ARMH4: variants seen among roughly 807,000 people sequenced by gnomAD.
The protein encoded by ARMH4 is armadillo-like helical domain-containing protein 4.
A neutral mutation model predicts 61.9 loss-of-function variants in ARMH4; 49 were observed. The observed-to-expected ratio is 0.79, with a 90% CI of 0.63 to 1.00. The LOEUF (loss-of-function observed/expected upper bound fraction) is 1.00. Ranked by LOEUF, ARMH4 falls within the 50% of genes least tolerant of loss-of-function variation. The probability of loss-of-function intolerance (pLI) is 0.00; values close to 1 mark genes in which losing one functional copy is unlikely to be tolerated. For synonymous variants in ARMH4, 368 were observed against 341.5 expected, an observed-to-expected ratio of 1.08 and a Z score of -0.85; for missense variants, 934 against 930.0, an observed-to-expected ratio of 1.00 and a Z score of -0.06.
intron 4 of ARMH4, among the ~76,000 whole-genome samples, chr14:58,102,360 G>A (rs960951834): frequency 2.6e-5 from 4 of 152,116 alleles, no homozygotes; most frequent in Admixed American, 6.5e-5. Context: ...TGGAACGGTG[G>A]TCCCAAAGAG....
chr14:58,008,438 G>A lies in ARMH4; in HGVS notation c.2122-3256C>T, dbSNP rs138312770. On this transcript the variant is annotated intron_variant, in intron 6 of 7. Transcript: ENST00000267485. ...TAAAGTAAATTATAAGTCAAATATTGCTAAATATACTTGTTTTTGTTTGGT... is the reference window on the plus strand; with the variant it reads ...TAAAGTAAATTATAAGTCAAATATTACTAAATATACTTGTTTTTGTTTGGT... Among the ~76,000 whole-genome samples the A allele has an allele frequency of 2.0e-5, 3 of 152,214 alleles. No homozygotes were observed. The East Asian group carries it at 5.8e-4, about 29-fold the overall frequency.
At chr14:58,147,316 GTT>G (rs33969627) in intron 1 of ARMH4, among the ~76,000 whole-genome samples, 6,596 of 132,476 alleles carry the variant, frequency 0.05, 168 homozygotes, top group Middle Eastern at 0.14. Flanking sequence ...AATCCAGATG[GTT>G]TTTTTTTTTT....
intron 1 of ARMH4, among the ~76,000 whole-genome samples, chr14:58,142,355 C>T (rs774170101): frequency 2.6e-5 from 4 of 152,130 alleles, no homozygotes; most frequent in Admixed American, 2.6e-4. Context: ...CTTATAGGTC[C>T]TTTCAAGAAA....
intron 1 of ARMH4, chr14:58,141,591 C>T (rs752710960): frequency 2.5e-4 from 120 of 476,274 alleles, no homozygotes; most frequent in Non-Finnish European, 4.4e-4. Context: ...CTTGCCTGCA[C>T]CCCGGTGCTA....
At chr14:58,123,792 G>C (rs1244912290) in intron 4 of ARMH4, among the ~76,000 whole-genome samples, 1 of 152,198 alleles carries the variant, frequency 6.6e-6, no homozygotes, top group Admixed American at 6.5e-5. Context: ...ATTAGCCCAA[G>C]ACTTGAGCCA....
Position 58,006,793 on chromosome 14 carries a change from G to A in ARMH4, c.2122-1611C>T, listed in dbSNP as rs1300263912. Among the ~76,000 whole-genome samples, 12 of 151,770 alleles carry A rather than the reference G, an allele frequency of 7.9e-5. No individual in the cohort carries two copies. The East Asian group carries it at 2.3e-3, about 29-fold the overall frequency. ...GGGGAGGGGGGAGGGACAGCATTAG[G>A]AGATACACCTAATGTAAATGACAAG... On this transcript the variant is annotated intron_variant, in intron 6 of 7. Transcript: ENST00000267485.
At chr14:58,122,294 G>A (rs1175622172) in intron 4 of ARMH4, among the ~76,000 whole-genome samples, 4 of 152,244 alleles carry the variant, frequency 2.6e-5, no homozygotes, top group Middle Eastern at 3.4e-3. Context: ...GCTAACTTGC[G>A]TGCTAGAAGG....
intron 5 of ARMH4, among the ~76,000 whole-genome samples, chr14:58,074,769 A>C (rs969939850): frequency 2.0e-5 from 3 of 152,214 alleles, no homozygotes; most frequent in Admixed American, 6.5e-5. Flanking sequence ...GAGCATATGA[A>C]AATATTGTAA....
intron 7 of ARMH4, 102 bp from the exon 8 acceptor site, chr14:58,004,906 A>C: frequency 1.3e-6 from 2 of 1,515,940 alleles, no homozygotes; most frequent in East Asian, 4.5e-5. Flanking sequence ...AAGCCAAGGC[A>C]GGAGCTACAG....
At chr14:58,007,458 T>C (rs1157691172) in intron 6 of ARMH4, among the ~76,000 whole-genome samples, 2 of 152,246 alleles carry the variant, frequency 1.3e-5, no homozygotes, top group East Asian at 1.9e-4. Context: ...CTCTAAATTA[T>C]GTAGATTTCA....
intron 5 of ARMH4, among the ~76,000 whole-genome samples, chr14:58,021,764 T>C (rs545290644): frequency 6.6e-6 from 1 of 152,286 alleles, no homozygotes; most frequent in South Asian, 2.1e-4. Flanking sequence ...CTCAGAAACC[T>C]GGACTGTTCA....
chr14:58,075,441 A>T (rs943221826), intron 5 of ARMH4, among the ~76,000 whole-genome samples: 3 of 152,212 alleles, frequency 2.0e-5, no homozygotes, highest in Non-Finnish European at 2.9e-5. Context: ...GGATGAGTTC[A>T]TGTCCTTTGC....
intron 4 of ARMH4, among the ~76,000 whole-genome samples, chr14:58,125,764 G>A (rs954647655): frequency 4.6e-5 from 7 of 152,128 alleles, no homozygotes; most frequent in African/African-American, 1.4e-4. Flanking sequence ...CAGTTAGAAC[G>A]GTCGTCAGCC....
At chr14:58,070,380 C>A (rs746650568) in intron 5 of ARMH4, among the ~76,000 whole-genome samples, 14 of 152,106 alleles carry the variant, frequency 9.2e-5, no homozygotes, top group Non-Finnish European at 1.6e-4. Flanking sequence ...TCACATCAGG[C>A]CCCTTTTTAC....
chr14:58,049,505 T>C (rs1884064837), intron 5 of ARMH4, among the ~76,000 whole-genome samples: 1 of 152,162 alleles, frequency 6.6e-6, no homozygotes, highest in South Asian at 2.1e-4. Flanking sequence ...GTTTTGAACC[T>C]GAACAGCCCA....
chr14:58,014,645 A>G (rs1285249315), intron 5 of ARMH4, among the ~76,000 whole-genome samples: 1 of 152,220 alleles, frequency 6.6e-6, no homozygotes, highest in Non-Finnish European at 1.5e-5. Context: ...AATGTTTCCA[A>G]TTTGTTCATT....
At chr14:58,014,161 C>G (rs760292950) in intron 5 of ARMH4, among the ~76,000 whole-genome samples, 8 of 152,198 alleles carry the variant, frequency 5.3e-5, no homozygotes, top group South Asian at 4.1e-4. Flanking sequence ...TGTGAAGCTA[C>G]CTTTGGCCCT....
intron 5 of ARMH4, among the ~76,000 whole-genome samples, chr14:58,038,282 C>T (rs1256786817): frequency 2.3e-5 from 2 of 88,816 alleles, no homozygotes; most frequent in African/African-American, 7.9e-5. Context: ...AACCATCATT[C>T]TCAGTAAACT....
chr14:58,081,802 G>A (rs957043560), intron 5 of ARMH4, among the ~76,000 whole-genome samples: 4 of 152,070 alleles, frequency 2.6e-5, no homozygotes, highest in Admixed American at 1.3e-4. Context: ...CACCACGCCT[G>A]GCCAAGTTCA....
Sources: allele counts gnomAD v4.1 joint callset (sites outside exome capture counted in the v4.1 genomes callset), GRCh38; gene constraint gnomAD v4.1.1; transcripts MANE v1.5; gene names NCBI Gene and HGNC (gene_info 2026-07-23, HGNC 2026-07-21).